A1CF: variants seen among roughly 807,000 people sequenced by gnomAD.
The protein encoded by A1CF is APOBEC1 complementation factor.
Under a neutral mutation model 68.9 loss-of-function variants are expected in A1CF, and 48 were observed. That is an observed-to-expected ratio of 0.70 (90% CI 0.55 to 0.89). A1CF has a LOEUF of 0.89. Ranked by LOEUF, A1CF falls within the 40% of genes least tolerant of loss-of-function variation. A1CF has a pLI of 0.00. For synonymous variants in A1CF, 272 were observed against 260.4 expected, an observed-to-expected ratio of 1.04 and a Z score of -0.43; for missense variants, 653 against 718.9, an observed-to-expected ratio of 0.91 and a Z score of 1.05.
intron 8 of A1CF, among the ~76,000 whole-genome samples, chr10:50,818,793 T>C (rs943886790): frequency 2.0e-4 from 30 of 152,138 alleles, no homozygotes; most frequent in African/African-American, 7.0e-4. Flanking sequence ...CTTTTTGAGT[T>C]TGAGTGGGCC....
chr10:50,868,378 T>C (rs1417834785), intron 1 of A1CF, among the ~76,000 whole-genome samples: 3 of 152,172 alleles, frequency 2.0e-5, no homozygotes, highest in Non-Finnish European at 2.9e-5. Context: ...TTACAATTGA[T>C]CTTAAGTCTA....
At chr10:50,837,440 C>A (rs894059274) in intron 5 of A1CF, among the ~76,000 whole-genome samples, 4 of 152,158 alleles carry the variant, frequency 2.6e-5, no homozygotes, top group African/African-American at 9.7e-5. Context: ...AATAAAGTAT[C>A]TTCTGGGAAT....
At chr10:50,830,129 C>T (rs532530700) in intron 6 of A1CF, among the ~76,000 whole-genome samples, 65 of 152,152 alleles carry the variant, frequency 4.3e-4, no homozygotes, top group Non-Finnish European at 8.7e-4. Context: ...AATAGATTTG[C>T]AGAAATTATT....
rs564521015 is a variant in A1CF at position 50,881,399 on chromosome 10, C to T, written c.-94+4182G>A. 1.9e-4 allele frequency among the ~76,000 whole-genome samples: 29 copies of T among 152,274 alleles called. No homozygotes were observed. In the South Asian group the frequency reaches 4.1e-3, roughly 22 times the overall value. On this transcript the variant is annotated intron_variant, in intron 1 of 12. Transcript: ENST00000373997. ...ATAAACGATAGGTGGGAGCATCTTTCAGTTAATCAGATTTGTACAATTGGA... is the reference window on the plus strand; with the variant it reads ...ATAAACGATAGGTGGGAGCATCTTTTAGTTAATCAGATTTGTACAATTGGA...
At chr10:50,822,947 C>T (rs1204516921) in intron 7 of A1CF, 1 of 152,158 alleles carries the variant, frequency 6.6e-6, no homozygotes, top group East Asian at 1.9e-4. Flanking sequence ...ATCATCTTCA[C>T]CTGGTTCCTG....
chr10:50,842,769 C>A (rs1373501558), intron 4 of A1CF, among the ~76,000 whole-genome samples: 1 of 152,206 alleles, frequency 6.6e-6, no homozygotes, highest in African/African-American at 2.4e-5. Flanking sequence ...CAGTCTTTTT[C>A]CTCAGCCATG....
In A1CF at chr10:50,850,807, C is replaced by A. The variant is rs370812682; in HGVS notation, c.100-6685G>T. 62 of 1,608,292 alleles carry A rather than the reference C, an allele frequency of 3.9e-5. No homozygotes were observed. In the African/African-American group the frequency reaches 8.3e-4, roughly 22 times the overall value. On this transcript the variant is annotated intron_variant, in intron 3 of 12. Transcript: ENST00000373997. ...TTCCATCTATAGGAACCTCTAAATT[C>A]CTTTCAAGAAGTAATTAGGTGACAG...
At chr10:50,817,961 A>G (rs973846052) in intron 8 of A1CF, among the ~76,000 whole-genome samples, 2 of 152,166 alleles carry the variant, frequency 1.3e-5, no homozygotes, top group East Asian at 1.9e-4. Flanking sequence ...CTGAAGCTCA[A>G]TTCATCATTT....
intron 7 of A1CF, among the ~76,000 whole-genome samples, chr10:50,827,325 T>C (rs1031152978): frequency 1.3e-5 from 2 of 152,190 alleles, no homozygotes; most frequent in African/African-American, 4.8e-5. Context: ...ATCAACAGAA[T>C]ATACATTCTT....
chr10:50,861,811 T>C (rs1294439148), intron 2 of A1CF, among the ~76,000 whole-genome samples: 1 of 148,274 alleles, frequency 6.7e-6, no homozygotes, highest in Non-Finnish European at 1.5e-5. Flanking sequence ...TACTAGTAAT[T>C]ATAATAATAC....
intron 1 of A1CF, among the ~76,000 whole-genome samples, chr10:50,871,448 C>T (rs1841263113): frequency 6.6e-6 from 1 of 151,878 alleles, no homozygotes; most frequent in Non-Finnish European, 1.5e-5. Flanking sequence ...TACTTTAATG[C>T]AATTCTAATT....
rs761148281 is a variant in A1CF, at chr10:50,816,010, A to T, written c.1137T>A (p.Val379=). The T allele has an allele frequency of 6.2e-7, 1 of 1,613,506 alleles. No individual in the cohort carries two copies. Among genetic ancestry groups the T allele is most frequent in the South Asian group, 1.1e-5 (1 of 91,036 alleles). Residue 379 remains valine, a synonymous_variant, in exon 9 of 13, where the codon GTT becomes GTA. Transcript: ENST00000373997. ...SNRAIIRAPS[V]RGAAGVRGLG... ...GCAAGATCTGACTGGTGTTACCTCT[A>T]ACAGAAGGGGCTCGGATAATGGCTC...
intron 1 of A1CF, among the ~76,000 whole-genome samples, chr10:50,871,354 AT>A (rs1449296200): frequency 2.6e-5 from 4 of 151,920 alleles, no homozygotes; most frequent in Admixed American, 1.3e-4. Context: ...ATATAAAAAA[AT>A]GATAAAATTT....
chr10:50,814,075 G>A (rs770752393), intron 9 of A1CF, 37 bp from the exon 10 acceptor site: 22 of 1,610,582 alleles, frequency 1.4e-5, no homozygotes, highest in Non-Finnish European at 1.9e-5. Context: ...AGGAACGTAA[G>A]AAGGCATTAA....
In A1CF at chr10:50,844,058, C is replaced by T; in HGVS notation, c.164G>A (p.Gly55Asp). 1 of 1,613,876 alleles carries T rather than the reference C, an allele frequency of 6.2e-7. No homozygotes were observed. The highest frequency in any genetic ancestry group is 1.1e-5 in the South Asian group (1 of 91,052). Reference sequence around the variant, plus strand: ...AAGTTTTCCAATAAAAATTTCACAGCCCCTTTCAGGGGGTGCAGCATCCCA... The same window carrying T: ...AAGTTTTCCAATAAAAATTTCACAGTCCCTTTCAGGGGGTGCAGCATCCCA... Reference protein sequence around the residue: ...PGWDAAPPERGCEIFIGKLPR... With the variant: ...PGWDAAPPERDCEIFIGKLPR... Residue 55 changes from glycine to aspartate, a missense_variant, in exon 4 of 13, where the codon GGC (glycine) becomes GAC (aspartate). Gly to Asp is a moderately conservative substitution (Grantham distance 94). Coordinates refer to ENST00000373997, the MANE Select transcript of A1CF (RefSeq NM_014576.4).
chr10:50,847,278 A>G (rs1344232639), intron 3 of A1CF, among the ~76,000 whole-genome samples: 1 of 152,240 alleles, frequency 6.6e-6, no homozygotes. Flanking sequence ...CTCTAGAGTC[A>G]TATACAAATA....
chr10:50,863,124 A>T (rs1840820619), intron 2 of A1CF: 1 of 152,198 alleles, frequency 6.6e-6, no homozygotes, highest in Non-Finnish European at 1.5e-5. Context: ...AATCTGTATA[A>T]TATCTCAATT....
intron 3 of A1CF, among the ~76,000 whole-genome samples, chr10:50,850,335 T>G (rs1256194486): frequency 1.3e-5 from 2 of 152,234 alleles, no homozygotes; most frequent in Admixed American, 1.3e-4. Context: ...ATGCATTTAA[T>G]AATATCTTTT....
chr10:50,841,447 G>C (rs1405458458), intron 5 of A1CF, among the ~76,000 whole-genome samples: 1 of 152,154 alleles, frequency 6.6e-6, no homozygotes, highest in African/African-American at 2.4e-5. Context: ...CTGCCAGAGA[G>C]TATTTTCTTA....
Sources: allele counts gnomAD v4.1 joint callset (sites outside exome capture counted in the v4.1 genomes callset), GRCh38; gene constraint gnomAD v4.1.1; transcripts MANE v1.5; gene names NCBI Gene and HGNC (gene_info 2026-07-23, HGNC 2026-07-21).